The following PSTPIP2 variants were observed in gnomAD, a reference collection of about 807,000 sequenced individuals.
PSTPIP2 encodes the protein proline-serine-threonine phosphatase interacting protein 2.
PSTPIP2 carries 33 observed loss-of-function variants against 63.3 expected under a neutral mutation model. The ratio of observed to expected loss-of-function variants is 0.52; its 90% confidence interval spans 0.40 to 0.70. PSTPIP2 has a LOEUF of 0.70. PSTPIP2 is among the 30% of genes least tolerant of loss of function. The pLI is 0.00. For missense variants in PSTPIP2, 312 were observed against 400.7 expected, an observed-to-expected ratio of 0.78 and a Z score of 1.89; for synonymous variants, 125 against 132.7, an observed-to-expected ratio of 0.94 and a Z score of 0.40.
chr18:46,027,487 T>G (rs2144099030), intron 2 of PSTPIP2, among the ~76,000 whole-genome samples: 1 of 152,026 alleles, frequency 6.6e-6, no homozygotes, highest in East Asian at 1.9e-4. Context: ...CCCAAGGGTT[T>G]GAGACCAGCC....
Position 46,063,933 on chromosome 18 carries a change from A to T in PSTPIP2, c.33+8223T>A, listed in dbSNP as rs183281363. Among the ~76,000 whole-genome samples the T allele has an allele frequency of 4.6e-4, 70 of 152,338 alleles. 1 individual carries two copies. Among genetic ancestry groups the T allele is most frequent in the Middle Eastern group, 3.4e-3 (1 of 294 alleles). On this transcript the variant is annotated intron_variant, in intron 1 of 14. Coordinates refer to ENST00000409746, the MANE Select transcript of PSTPIP2 (RefSeq NM_024430.4). ...CTTTAGGAAATCATCCTGGTTCTAC[A>T]TATCAAAAGTTTTTCAATGTCCTTC...
At chr18:46,066,599 A>G (rs970713996) in intron 1 of PSTPIP2, among the ~76,000 whole-genome samples, 1 of 152,236 alleles carries the variant, frequency 6.6e-6, no homozygotes, top group African/African-American at 2.4e-5. Flanking sequence ...TCTCACCAGA[A>G]GGTGAGCCCC....
At chr18:46,057,164 G>T (rs1908787725) in intron 1 of PSTPIP2, among the ~76,000 whole-genome samples, 1 of 152,090 alleles carries the variant, frequency 6.6e-6, no homozygotes, top group Non-Finnish European at 1.5e-5. Flanking sequence ...TGCAAGGCAA[G>T]TGCCTCAGCC....
chr18:46,002,546 T>G (rs1283624438), intron 6 of PSTPIP2, among the ~76,000 whole-genome samples: 1 of 152,242 alleles, frequency 6.6e-6, no homozygotes, highest in Non-Finnish European at 1.5e-5. Flanking sequence ...TTTTCTAAAA[T>G]TTTGATTATT....
chr18:46,037,121 C>A (rs979816895), intron 2 of PSTPIP2, among the ~76,000 whole-genome samples: 1 of 152,004 alleles, frequency 6.6e-6, no homozygotes, highest in Non-Finnish European at 1.5e-5. Flanking sequence ...CACAAATATC[C>A]CAGAGTTGTA....
intron 2 of PSTPIP2, chr18:46,028,292 G>A (rs1337469045): frequency 6.6e-6 from 3 of 455,140 alleles, no homozygotes; most frequent in Non-Finnish European, 1.3e-5. Flanking sequence ...AAGCCGAAGC[G>A]TTAGCCCGGA....
At chr18:46,034,718 C>T (rs1265738164) in intron 2 of PSTPIP2, among the ~76,000 whole-genome samples, 7 of 152,090 alleles carry the variant, frequency 4.6e-5, no homozygotes, top group African/African-American at 1.4e-4. Flanking sequence ...CCGTATCTAC[C>T]GCTTATTAGC....
intron 1 of PSTPIP2, among the ~76,000 whole-genome samples, chr18:46,071,778 G>A (rs1909401587): frequency 6.6e-6 from 1 of 152,220 alleles, no homozygotes; most frequent in Non-Finnish European, 1.5e-5. Flanking sequence ...CTCCCTAAGG[G>A]TCTCTGCTTC....
intron 4 of PSTPIP2, among the ~76,000 whole-genome samples, chr18:46,013,120 A>C (rs1219647957): frequency 6.6e-6 from 1 of 151,586 alleles, no homozygotes; most frequent in Non-Finnish European, 1.5e-5. Flanking sequence ...TTATTTTTTT[A>C]GAAAAAAAGA....
At chr18:46,036,520 C>T (rs68059007) in intron 2 of PSTPIP2, among the ~76,000 whole-genome samples, 1 of 152,064 alleles carries the variant, frequency 6.6e-6, no homozygotes, top group Non-Finnish European at 1.5e-5. Flanking sequence ...TCTGAGCTAA[C>T]CTTATTTTTA....
In PSTPIP2 at chr18:45,985,809, C is replaced by T. The variant is rs542726943; in HGVS notation, c.*9-359G>A. On this transcript the variant is annotated intron_variant, in intron 14 of 14. Coordinates refer to ENST00000409746, the MANE Select transcript of PSTPIP2 (RefSeq NM_024430.4). ...TTTTTTTTTTTGAGACAGAGTCTTG[C>T]TGTGTTACCCAGGCTGGAGTGCAGT... Among the ~76,000 whole-genome samples the T allele has an allele frequency of 1.1e-4, 16 of 148,556 alleles. No homozygotes were observed. In the East Asian group the frequency reaches 3.2e-3, roughly 30 times the overall value.
chr18:46,064,287 T>C (rs1599752269), intron 1 of PSTPIP2, among the ~76,000 whole-genome samples: 1 of 116,330 alleles, frequency 8.6e-6, no homozygotes. Context: ...TCTTTCTTTT[T>C]TTTTTTTTTT....
chr18:46,008,605 C>G (rs958285595), intron 5 of PSTPIP2, among the ~76,000 whole-genome samples: 10 of 152,114 alleles, frequency 6.6e-5, no homozygotes, highest in Non-Finnish European at 1.2e-4. Context: ...CCTTGCCCAG[C>G]CTTAAGCTGT....
At chr18:46,029,699 T>C (rs1907719009) in intron 2 of PSTPIP2, 1 of 693,212 alleles carries the variant, frequency 1.4e-6, no homozygotes, top group Non-Finnish European at 2.6e-6. Context: ...GAAGCAGTCA[T>C]TGGTTCATCT....
At chr18:46,052,566 T>TA (rs1908617673) in intron 1 of PSTPIP2, among the ~76,000 whole-genome samples, 3 of 114,042 alleles carry the variant, frequency 2.6e-5, no homozygotes, top group African/African-American at 2.9e-5. Context: ...TAATGTTAAT[T>TA]TAAAAAAAAA....
rs113312806 is a variant in PSTPIP2 at position 46,042,029 on chromosome 18, A to G, written c.34-1982T>C. Among the ~76,000 whole-genome samples the G allele has an allele frequency of 5.8e-3, 886 of 152,244 alleles. 17 individuals carry two copies. The highest frequency in any genetic ancestry group is 0.034 in the Admixed American group (512 of 15,278). On this transcript the variant is annotated intron_variant, in intron 1 of 14. Transcript: ENST00000409746. ...TAGTTGAGCAGACAGCAGTCCCAGAAAGACCCAGCAGGACCCAGGCCTGGG... is the reference window on the plus strand; with the variant it reads ...TAGTTGAGCAGACAGCAGTCCCAGAGAGACCCAGCAGGACCCAGGCCTGGG...
intron 9 of PSTPIP2, among the ~76,000 whole-genome samples, chr18:45,996,797 C>T (rs1011722207): frequency 2.0e-5 from 3 of 151,996 alleles, no homozygotes; most frequent in Admixed American, 2.0e-4. Flanking sequence ...AAATAATTAA[C>T]AAGGCGTGGT....
intron 12 of PSTPIP2, among the ~76,000 whole-genome samples, chr18:45,991,390 C>A (rs2051530862): frequency 6.6e-6 from 1 of 152,188 alleles, no homozygotes; most frequent in African/African-American, 2.4e-5. Context: ...CAACTCTACT[C>A]AACTCTAGTG....
intron 14 of PSTPIP2, among the ~76,000 whole-genome samples, chr18:45,986,732 T>G (rs951194944): frequency 1.3e-5 from 2 of 152,252 alleles, no homozygotes; most frequent in Non-Finnish European, 2.9e-5. Context: ...ACAGGGTACT[T>G]TATGTCTTCA....
Sources: allele counts gnomAD v4.1 joint callset (sites outside exome capture counted in the v4.1 genomes callset), GRCh38; gene constraint gnomAD v4.1.1; transcripts MANE v1.5; gene names NCBI Gene and HGNC (gene_info 2026-07-23, HGNC 2026-07-21).